SLC9C1: variants seen among roughly 807,000 people sequenced by gnomAD.
The protein encoded by SLC9C1 is sodium/hydrogen exchanger 10.
Under a neutral mutation model 140.9 loss-of-function variants are expected in SLC9C1, and 97 were observed. That is an observed-to-expected ratio of 0.69 (90% CI 0.58 to 0.82). The LOEUF is 0.82. Among genes scored for constraint, SLC9C1 ranks in the 40% least tolerant of loss-of-function variants. The pLI, the probability that SLC9C1 is intolerant of heterozygous loss-of-function variation, is 0.00. For missense variants in SLC9C1, 1,340 were observed against 1,389.3 expected (o/e 0.96, Z 0.56); for synonymous variants, 440 against 442.6 (o/e 0.99, Z 0.07).
chr3:112,231,215 A>G, intron 13 of SLC9C1, 146 bp downstream of exon 13: 2 of 743,968 alleles, frequency 2.7e-6, no homozygotes, highest in East Asian at 6.4e-5. Context: ...CTTTCCAATC[A>G]AGCAGATTCC....
intron 26 of SLC9C1, among the ~76,000 whole-genome samples, chr3:112,164,745 T>C (rs1312948711): frequency 6.6e-6 from 1 of 151,902 alleles, no homozygotes; most frequent in Non-Finnish European, 1.5e-5. Flanking sequence ...CTGACAATTA[T>C]GTGTCTTGGA....
chr3:112,209,695 AG>A (rs1471579444), intron 15 of SLC9C1, among the ~76,000 whole-genome samples: 1 of 152,198 alleles, frequency 6.6e-6, no homozygotes, highest in East Asian at 1.9e-4. Flanking sequence ...TCTATACACT[AG>A]AAAGTACTGA....
In SLC9C1 at chr3:112,262,899, G is replaced by T. The variant is rs111840379; in HGVS notation, c.1197+25C>A. ...CAGTAATAGTTTTATACAATATTCAGATAAGAAAATACAGCTTTCTTTACT... is the reference window on the plus strand; with the variant it reads ...CAGTAATAGTTTTATACAATATTCATATAAGAAAATACAGCTTTCTTTACT... On this transcript the variant is annotated intron_variant, in intron 10 of 28. Transcript: ENST00000305815. The T allele has an allele frequency of 2.5e-5, 39 of 1,530,836 alleles. No homozygotes were observed. In the African/African-American group the frequency reaches 4.6e-4, roughly 18 times the overall value. The allele number at this position is 1,530,836 out of a possible 1,614,324, so 94.8% of individuals were successfully genotyped here. A position where few individuals can be genotyped will look rare whatever the true frequency, so the allele number is the denominator to read the frequency against.
intron 23 of SLC9C1, among the ~76,000 whole-genome samples, chr3:112,176,056 G>A (rs2077330681): frequency 6.6e-6 from 1 of 152,156 alleles, no homozygotes; most frequent in South Asian, 2.1e-4. Context: ...GGGAGGCCTG[G>A]GTATCTAAGG....
At chr3:112,205,148 A>T (rs2078011666) in intron 16 of SLC9C1, among the ~76,000 whole-genome samples, 1 of 151,992 alleles carries the variant, frequency 6.6e-6, no homozygotes, top group South Asian at 2.1e-4. Context: ...TATATCTAGA[A>T]AACCCCATCG....
chr3:112,257,651 A>G (rs2079646762), intron 10 of SLC9C1, among the ~76,000 whole-genome samples: 1 of 152,206 alleles, frequency 6.6e-6, no homozygotes, highest in Admixed American at 6.6e-5. Context: ...CAAAGATTTC[A>G]TGACAAAGAT....
chr3:112,186,468 A>C (rs1169830447), intron 20 of SLC9C1, among the ~76,000 whole-genome samples: 1 of 152,200 alleles, frequency 6.6e-6, no homozygotes, highest in Non-Finnish European at 1.5e-5. Context: ...ATTAAAACCT[A>C]ATTAAGTGAA....
At position 112,154,955 on chromosome 3, in the gene SLC9C1, T is replaced by C. The variant is rs74425027; in HGVS notation, c.3417+42A>G. On this transcript the variant is annotated intron_variant, in intron 27 of 28. Coordinates refer to ENST00000305815, the MANE Select transcript of SLC9C1 (RefSeq NM_183061.3). ...GTTTCCATAAATTCTAGACTCTCTT[T>C]TACCCAAAATACAACTTTTAGAAAG... 7,031 of 1,568,846 alleles carry C rather than the reference T, an allele frequency of 4.5e-3. 10 individuals are homozygous for C. Among genetic ancestry groups the C allele is most frequent in the Non-Finnish European group, 5.6e-3 (6,487 of 1,149,630 alleles).
At chr3:112,239,500 T>A (rs62279494) in intron 12 of SLC9C1, among the ~76,000 whole-genome samples, 1 of 152,348 alleles carries the variant, frequency 6.6e-6, no homozygotes, top group South Asian at 2.1e-4. Context: ...GAGATGAACC[T>A]GGTACCTCAG....
chr3:112,272,438 GT>G (rs2080102630), intron 6 of SLC9C1, among the ~76,000 whole-genome samples: 1 of 152,056 alleles, frequency 6.6e-6, no homozygotes, highest in Non-Finnish European at 1.5e-5. Context: ...TATAAAATAT[GT>G]GCTAACTTCA....
At chr3:112,168,837 T>C (rs778735472) in intron 25 of SLC9C1, 40 bp downstream of exon 25, 21 of 1,486,732 alleles carry the variant, frequency 1.4e-5, no homozygotes, top group Middle Eastern at 1.8e-4. Flanking sequence ...GTTGGACATA[T>C]GGCATATTGA....
chr3:112,270,554 C>G (rs1433679823), intron 6 of SLC9C1, among the ~76,000 whole-genome samples: 1 of 152,216 alleles, frequency 6.6e-6, no homozygotes, highest in East Asian at 1.9e-4. Flanking sequence ...TGCCTATAAT[C>G]CCAGCACTTA....
chr3:112,287,316 G>T (rs1388850914), intron 1 of SLC9C1, among the ~76,000 whole-genome samples: 18 of 152,120 alleles, frequency 1.2e-4, no homozygotes, highest in Non-Finnish European at 4.4e-5. Flanking sequence ...GGAAAAGCAG[G>T]GAAGAATATT....
chr3:112,174,250 G>T (rs960646740), intron 23 of SLC9C1, among the ~76,000 whole-genome samples: 15 of 152,170 alleles, frequency 9.9e-5, no homozygotes, highest in African/African-American at 2.7e-4. Flanking sequence ...GCCCCTGGGG[G>T]CTCCACCTCC....
At chr3:112,248,628 T>G (rs1227388968) in intron 10 of SLC9C1, among the ~76,000 whole-genome samples, 2 of 152,160 alleles carry the variant, frequency 1.3e-5, no homozygotes, top group Non-Finnish European at 2.9e-5. Flanking sequence ...GGTTATTTAG[T>G]ATCTACCAGT....
intron 11 of SLC9C1, among the ~76,000 whole-genome samples, chr3:112,241,359 A>G (rs1001053992): frequency 6.6e-6 from 1 of 152,166 alleles, no homozygotes; most frequent in African/African-American, 2.4e-5. Context: ...TAGCCACAAA[A>G]AAAGAGAAAT....
intron 12 of SLC9C1, among the ~76,000 whole-genome samples, chr3:112,232,638 GT>G (rs1269819858): frequency 1.3e-5 from 2 of 151,800 alleles, no homozygotes; most frequent in Admixed American, 1.3e-4. Context: ...CTCATATTGT[GT>G]TTTGCAAAAA....
At chr3:112,210,022 G>A (rs116662726) in intron 15 of SLC9C1, among the ~76,000 whole-genome samples, 2,423 of 152,236 alleles carry the variant, frequency 0.016, 70 homozygotes, top group African/African-American at 0.055. Flanking sequence ...ACCTCAACTA[G>A]TTACAACAAT....
chr3:112,196,186 T>G (rs969580146), intron 20 of SLC9C1, among the ~76,000 whole-genome samples: 1 of 146,426 alleles, frequency 6.8e-6, no homozygotes, highest in African/African-American at 2.5e-5. Context: ...TGGCTGACAC[T>G]TTTTTTTTTT....
Sources: allele counts gnomAD v4.1 joint callset (sites outside exome capture counted in the v4.1 genomes callset), GRCh38; gene constraint gnomAD v4.1.1; transcripts MANE v1.5; gene names NCBI Gene and HGNC (gene_info 2026-07-23, HGNC 2026-07-21).